MCU: variants seen among roughly 807,000 people sequenced by gnomAD.
MCU encodes the protein calcium uniporter protein, mitochondrial.
A neutral mutation model predicts 45.2 loss-of-function variants in MCU; 12 were observed. The observed-to-expected ratio is 0.27, with a 90% CI of 0.17 to 0.43. MCU has a LOEUF of 0.43. MCU is among the 20% of genes least tolerant of loss of function. The pLI, the probability that MCU is intolerant of heterozygous loss-of-function variation, is 1.00. For missense variants in MCU, 324 were observed against 436.7 expected (o/e 0.74, Z 2.30); for synonymous variants, 160 against 165.1 (o/e 0.97, Z 0.24).
Position 72,868,902 on chromosome 10 carries a change from A to G in MCU, c.657+39A>G, listed in dbSNP as rs766991402. On this transcript the variant is annotated intron_variant, in intron 5 of 7. Coordinates refer to ENST00000373053, the MANE Select transcript of MCU (RefSeq NM_138357.3). The stretch of plus-strand genomic sequence containing the variant: ...TCTCAGGTTTTTTACCTTAACCTGT[A>G]TTTTTTCCAGAGCATATATGTTTCT... 2.5e-6 allele frequency: 4 copies of G among 1,597,048 alleles called. No homozygotes were observed. In the East Asian group the frequency reaches 9.0e-5, roughly 36 times the overall value.
At chr10:72,797,266 C>G (rs1844264342) in intron 1 of MCU, among the ~76,000 whole-genome samples, 1 of 151,024 alleles carries the variant, frequency 6.6e-6, no homozygotes. Flanking sequence ...CTCTGTCACC[C>G]AGGCTGGAGT....
At chr10:72,745,430 T>C (rs1843401328) in intron 1 of MCU, among the ~76,000 whole-genome samples, 1 of 152,206 alleles carries the variant, frequency 6.6e-6, no homozygotes, top group South Asian at 2.1e-4. Flanking sequence ...CGTTTCACCA[T>C]GTTAGCCAGG....
At chr10:72,807,387 G>C (rs1844468591) in intron 1 of MCU, among the ~76,000 whole-genome samples, 1 of 151,024 alleles carries the variant, frequency 6.6e-6, no homozygotes, top group Non-Finnish European at 1.5e-5. Flanking sequence ...AAAAAAAAAA[G>C]TGACAGTGCT....
At chr10:72,885,593 A>T (rs1016892976) in intron 7 of MCU, 152 bp from the exon 8 acceptor site, 3 of 593,310 alleles carry the variant, frequency 5.1e-6, no homozygotes, top group Non-Finnish European at 8.9e-6. Context: ...GTGAGTTAAA[A>T]TGCTTTGTCT....
At chr10:72,786,757 A>C (rs1844077516) in intron 1 of MCU, among the ~76,000 whole-genome samples, 1 of 152,154 alleles carries the variant, frequency 6.6e-6, no homozygotes, top group Non-Finnish European at 1.5e-5. Flanking sequence ...AAATAAATAA[A>C]TAAGTAAAAA....
chr10:72,881,769 G>T (rs1434426621), intron 6 of MCU, among the ~76,000 whole-genome samples: 1 of 152,156 alleles, frequency 6.6e-6, no homozygotes, highest in Non-Finnish European at 1.5e-5. Context: ...AAATGGAAAG[G>T]CCTCAGCCTC....
chr10:72,848,299 A>G (rs1386094768), intron 2 of MCU, among the ~76,000 whole-genome samples: 1 of 152,154 alleles, frequency 6.6e-6, no homozygotes, highest in Admixed American at 6.5e-5. Context: ...TATGAAGAAA[A>G]GATTGATTTG....
intron 1 of MCU, among the ~76,000 whole-genome samples, chr10:72,698,923 C>A (rs1020786048): frequency 6.6e-5 from 10 of 152,116 alleles, no homozygotes; most frequent in African/African-American, 2.4e-4. Context: ...CCGACCTCAG[C>A]CTTTTGAATA....
chr10:72,839,053 G>A (rs539142969), intron 2 of MCU, among the ~76,000 whole-genome samples: 2 of 151,304 alleles, frequency 1.3e-5, no homozygotes, highest in African/African-American at 2.4e-5. Flanking sequence ...GCAGTGGTGC[G>A]GTCTTGGCTC....
chr10:72,772,279 C>T (rs550215551), intron 1 of MCU, among the ~76,000 whole-genome samples: 2 of 152,378 alleles, frequency 1.3e-5, no homozygotes, highest in Non-Finnish European at 2.9e-5. Context: ...CCTTGACACA[C>T]TGCTGGGATA....
At chr10:72,837,599 A>G (rs948008169) in intron 2 of MCU, among the ~76,000 whole-genome samples, 5 of 152,128 alleles carry the variant, frequency 3.3e-5, no homozygotes, top group Admixed American at 3.3e-4. Flanking sequence ...AGTGCTAAAG[A>G]CCTCAAATCT....
At position 72,692,250 on chromosome 10, in the gene MCU, C is replaced by T. The variant is rs1842632152; in HGVS notation, c.99C>T (p.Cys33=). 4.0e-6 allele frequency: 5 copies of T among 1,236,750 alleles called. No individual in the cohort carries two copies. The highest frequency in any genetic ancestry group is 5.1e-6 in the Non-Finnish European group (5 of 986,286). The allele number at this position is 1,236,750 out of a possible 1,614,324, so 76.6% of individuals were successfully genotyped here. A position where few individuals can be genotyped will look rare whatever the true frequency, so the allele number is the denominator to read the frequency against. ...GCTGCGGGGCGCTGACTGCCGGCTG[C>T]TTCCCTGGGCTGGGCGTCAGCCGCC... ...AGGCGALTAG[C]FPGLGVSRHR... The change falls in exon 1 of 8, where the codon TGC becomes TGT. Residue 33 remains cysteine, a synonymous_variant. Transcript: ENST00000373053.
chr10:72,878,688 A>C (rs1350872591), intron 6 of MCU, among the ~76,000 whole-genome samples: 1 of 152,194 alleles, frequency 6.6e-6, no homozygotes, highest in Non-Finnish European at 1.5e-5. Context: ...GATTAGACAT[A>C]ACAAAAGACA....
intron 1 of MCU, among the ~76,000 whole-genome samples, chr10:72,818,887 A>G (rs1844666835): frequency 1.3e-5 from 2 of 152,110 alleles, no homozygotes; most frequent in African/African-American, 4.8e-5. Flanking sequence ...TGTCTTATCA[A>G]TGCTGTTAAA....
At chr10:72,792,019 C>T (rs987693720) in intron 1 of MCU, among the ~76,000 whole-genome samples, 2 of 152,164 alleles carry the variant, frequency 1.3e-5, no homozygotes, top group African/African-American at 4.8e-5. Flanking sequence ...TAAAGTCTTT[C>T]AGTATCTCCA....
intron 1 of MCU, among the ~76,000 whole-genome samples, chr10:72,820,798 C>T (rs1341541334): frequency 6.6e-6 from 1 of 152,206 alleles, no homozygotes; most frequent in Non-Finnish European, 1.5e-5. Flanking sequence ...AGGCGTGAGC[C>T]ACCACGCCCG....
intron 1 of MCU, among the ~76,000 whole-genome samples, chr10:72,696,161 CAAA>C (rs58694098): frequency 6.5e-5 from 2 of 30,628 alleles, no homozygotes; most frequent in Non-Finnish European, 5.6e-5. Flanking sequence ...AACTCCGACT[CAAA>C]AAAAAAAAAA....
chr10:72,796,835 AT>A (rs1844255439), intron 1 of MCU, among the ~76,000 whole-genome samples: 1 of 151,584 alleles, frequency 6.6e-6, no homozygotes, highest in Non-Finnish European at 1.5e-5. Flanking sequence ...AAATAATTCT[AT>A]TTCCTCCTTG....
chr10:72,871,572 A>G lies in MCU; in HGVS notation c.853A>G (p.Thr285Ala). Residue 285 changes from threonine (T) to alanine (A), a missense_variant, in exon 6 of 8, where the codon ACA becomes GCA. By Grantham distance (58) the Thr-to-Ala change is moderately conservative. Transcript: ENST00000373053. ...GGCAATGTATGCATATTTTGTAATG[A>G]CACGCCAGGTAAGAATTCTCTTCAA... ...AMAMYAYFVM[T>A]RQEYVYPEAR... is the part of the protein sequence containing the mutation. 2 of 1,613,102 alleles carry G rather than the reference A, an allele frequency of 1.2e-6. No homozygotes were observed. The highest frequency in any genetic ancestry group is 1.7e-6 in the Non-Finnish European group (2 of 1,178,988).
Sources: allele counts gnomAD v4.1 joint callset (sites outside exome capture counted in the v4.1 genomes callset), GRCh38; gene constraint gnomAD v4.1.1; transcripts MANE v1.5; gene names NCBI Gene and HGNC (gene_info 2026-07-23, HGNC 2026-07-21).